MDFI: variants seen among roughly 807,000 people sequenced by gnomAD.
The protein encoded by MDFI is inhibitor of MyoD family a.
A neutral mutation model predicts 22.3 loss-of-function variants in MDFI; 16 were observed. The observed-to-expected ratio is 0.72, with a 90% CI of 0.49 to 1.09. MDFI has a LOEUF of 1.09. Among genes scored for constraint, MDFI ranks in the 50% least tolerant of loss-of-function variants. The pLI is 0.00. For missense variants in MDFI, 314 were observed against 326.1 expected, an observed-to-expected ratio of 0.96 and a Z score of 0.29; for synonymous variants, 145 against 142.7, an observed-to-expected ratio of 1.02 and a Z score of -0.12.
At chr6:41,641,937 G>C (rs1767866363) in intron 2 of MDFI, among the ~76,000 whole-genome samples, 1 of 152,104 alleles carries the variant, frequency 6.6e-6, no homozygotes, top group Non-Finnish European at 1.5e-5. Context: ...TGTGAGTCTC[G>C]GCCTTTCCTC....
At chr6:41,646,365 C>T in intron 3 of MDFI, 57 bp downstream of exon 3, 2 of 1,352,990 alleles carry the variant, frequency 1.5e-6, no homozygotes, top group Non-Finnish European at 1.9e-6. Context: ...CACTAGGGAA[C>T]TCAACCCAAA....
At chr6:41,651,454 G>A (rs1284955675) in intron 4 of MDFI, among the ~76,000 whole-genome samples, 7 of 132,024 alleles carry the variant, frequency 5.3e-5, no homozygotes, top group African/African-American at 9.0e-5. Context: ...CATGCGCACA[G>A]AGCTGAGAAA....
At chr6:41,647,528 C>G (rs1040268272) in intron 3 of MDFI, among the ~76,000 whole-genome samples, 1 of 152,322 alleles carries the variant, frequency 6.6e-6, no homozygotes, top group East Asian at 1.9e-4. Flanking sequence ...TATCCAGATG[C>G]AGGCATCAGC....
intron 2 of MDFI, among the ~76,000 whole-genome samples, chr6:41,643,523 C>CAGGA (rs1381721352): frequency 4.4e-4 from 31 of 70,374 alleles, no homozygotes; most frequent in Non-Finnish European, 3.8e-4. Context: ...CCACACAGCA[C>CAGGA]AGGAAGGAGG....
chr6:41,649,836 A>G lies in MDFI; in HGVS notation c.477A>G (p.Ala159=). The G allele has an allele frequency of 6.2e-7, 1 of 1,613,110 alleles. No homozygotes were observed. The highest frequency in any genetic ancestry group is 8.5e-7 in the Non-Finnish European group (1 of 1,179,594). The change falls in exon 4 of 5, where the codon GCA becomes GCG. Residue 159 remains alanine, a synonymous_variant. Transcript: ENST00000230321. The stretch of plus-strand genomic sequence containing the variant: ...CCACCTCCCAGATCCCCCTCCAGGC[A>G]CAGGAAGGTAAGCACCCATCCCATC... ...KSTTSQIPLQ[A]QEDCCVHCIL... is the part of the protein sequence containing the mutation.
chr6:41,637,978 T>C (rs540306750), upstream of MDFI, among the ~76,000 whole-genome samples: 2 of 152,274 alleles, frequency 1.3e-5, no homozygotes, highest in South Asian at 4.1e-4. This position sits in a 1 kb window ranked among gnomAD's most constrained non-coding sequence, Gnocchi z 6.8. Context: ...CCCAGATCCC[T>C]GTCCCTGGCT....
In MDFI at chr6:41,646,138, C is replaced by G; in HGVS notation, c.89C>G (p.Ser30Cys). The change falls in exon 3 of 5, where the codon TCC (serine) becomes TGC (cysteine). Residue 30 changes from serine to cysteine, a missense_variant. Ser to Cys is a moderately radical substitution (Grantham distance 112). Transcript: ENST00000230321. ...GCTTTTTTCCTAGCCCAGACCCTAT[C>G]CCTCCTTCCTGGGCTGGAGGTAGTA... The part of the protein sequence containing the change: ...SAAPGPAQTL[S>C]LLPGLEVVTG... The G allele has an allele frequency of 6.5e-7, 1 of 1,529,936 alleles. No homozygotes were observed. The highest frequency in any genetic ancestry group is 1.7e-4 in the Middle Eastern group (1 of 5,754). 94.8% of individuals were successfully genotyped at this position (1,529,936 alleles called of 1,614,324 possible).
At position 41,650,558 on chromosome 6, in the gene MDFI, C is replaced by T. The variant is rs114891313; in HGVS notation, c.484+715C>T. 5.8e-3 allele frequency among the ~76,000 whole-genome samples: 873 copies of T among 150,616 alleles called. 5 individuals carry two copies. The highest frequency in any genetic ancestry group is 0.02 in the African/African-American group (827 of 41,112). The stretch of plus-strand genomic sequence containing the variant: ...TCCCACTCTGCAAAGCAGATTCTGC[C>T]CAACAGTCTTTTTCCTTTTTTTTTT... On this transcript the variant is annotated intron_variant, in intron 4 of 4. Transcript: ENST00000230321.
intron 3 of MDFI, among the ~76,000 whole-genome samples, chr6:41,647,839 G>A (rs898971075): frequency 6.6e-6 from 1 of 151,834 alleles, no homozygotes; most frequent in Non-Finnish European, 1.5e-5. Flanking sequence ...TCAGGAGATC[G>A]AGACCATCCT....
chr6:41,650,003 C>T, intron 4 of MDFI, 160 bp downstream of exon 4: 1 of 661,730 alleles, frequency 1.5e-6, no homozygotes, highest in Middle Eastern at 3.6e-4. Flanking sequence ...TCTGGTGGAG[C>T]TTAACAAGCC....
chr6:41,645,066 C>T (rs1767997620), intron 2 of MDFI, among the ~76,000 whole-genome samples: 1 of 152,142 alleles, frequency 6.6e-6, no homozygotes, highest in South Asian at 2.1e-4. Context: ...CTTGCTCCTT[C>T]TCCCAACATG....
intron 2 of MDFI, 112 bp from the exon 3 acceptor site, chr6:41,646,014 C>T: frequency 1.0e-6 from 1 of 992,340 alleles, no homozygotes; most frequent in Non-Finnish European, 1.4e-6. Context: ...CTGATGCAGA[C>T]AGACAAAGAA....
chr6:41,649,708 G>A lies in MDFI; in HGVS notation c.349G>A (p.Gly117Arg), dbSNP rs762334838. ...PSELGGTRRAGNGALGGPKAH... is the reference protein window; with the variant it reads ...PSELGGTRRARNGALGGPKAH... ...AGAGCTGGGCGGCACCAGACGGGCG[G>A]GGAATGGTGCCCTGGGTGGCCCCAA... is the stretch of plus-strand genomic sequence containing the variant. Residue 117 changes from glycine (G) to arginine (R), a missense_variant, in exon 4 of 5, where the codon GGG becomes AGG. Coordinates refer to ENST00000230321, the MANE Select transcript of MDFI (RefSeq NM_005586.4). 5 of 1,614,062 alleles carry A rather than the reference G, an allele frequency of 3.1e-6. No individual in the cohort carries two copies. In the South Asian group the frequency reaches 4.4e-5, roughly 14 times the overall value.
Position 41,653,735 on chromosome 6 carries a change from A to G in MDFI, c.*160A>G. On this transcript the variant is annotated 3_prime_UTR_variant, in exon 5 of 5. Transcript: ENST00000230321. The surrounding 1 kb of genome is among the most constrained non-coding windows in gnomAD (Gnocchi z 4.2). Reference sequence around the variant, plus strand: ...TCCTCTCAGAACCCCAGCCTTGAAAATAGTGGGGGGCACTCAGAGGGGCCA... The same window carrying G: ...TCCTCTCAGAACCCCAGCCTTGAAAGTAGTGGGGGGCACTCAGAGGGGCCA... The G allele has an allele frequency of 1.1e-6, 1 of 936,446 alleles. No homozygotes were observed. Among genetic ancestry groups the G allele is most frequent in the Non-Finnish European group, 1.6e-6 (1 of 639,024 alleles). 58.0% of individuals were successfully genotyped at this position (936,446 alleles called of 1,614,324 possible).
Position 41,638,497 on chromosome 6 carries a change from C to G in MDFI, c.-167C>G, listed in dbSNP as rs1004868746. On this transcript the variant is annotated 5_prime_UTR_variant, in exon 1 of 5. Coordinates refer to ENST00000230321, the MANE Select transcript of MDFI (RefSeq NM_005586.4). This position sits in a 1 kb window ranked among gnomAD's most constrained non-coding sequence, Gnocchi z 7.6. The stretch of plus-strand genomic sequence containing the variant: ...GGAAGGGGCGAACGGCGTGAGCTGG[C>G]GCCGAAATGGGAGAAAGCAGCGAGT... 1 of 519,338 alleles carries G rather than the reference C, an allele frequency of 1.9e-6. No individual in the cohort carries two copies. The highest frequency in any genetic ancestry group is 3.4e-6 in the Non-Finnish European group (1 of 296,594). 32.2% of individuals were successfully genotyped at this position (519,338 alleles called of 1,614,324 possible). A position where few individuals can be genotyped will look rare whatever the true frequency, so the allele number is the denominator to read the frequency against.
chr6:41,648,697 T>A (rs974809522), intron 3 of MDFI, among the ~76,000 whole-genome samples: 7 of 152,070 alleles, frequency 4.6e-5, no homozygotes, highest in African/African-American at 1.7e-4. Flanking sequence ...GCCCCAGAGC[T>A]CTCAGTGACC....
chr6:41,645,887 A>G (rs75847691), intron 2 of MDFI, among the ~76,000 whole-genome samples: 10,904 of 152,148 alleles, frequency 0.072, 551 homozygotes, highest in Middle Eastern at 0.16. Flanking sequence ...CCGACACCAC[A>G]TGCACACGTG....
At position 41,651,079 on chromosome 6, in the gene MDFI, C is replaced by T. The variant is rs992914514; in HGVS notation, c.484+1236C>T. 9.2e-4 allele frequency among the ~76,000 whole-genome samples: 140 copies of T among 151,800 alleles called. 5 individuals are homozygous for T. The highest frequency in any genetic ancestry group is 2.1e-4 in the South Asian group (1 of 4,778). ...AAAATTAGCCAGGCGTGGCGGTGGG[C>T]GCCTGTAATCCCAGCTACTCCGGAG... On this transcript the variant is annotated intron_variant, in intron 4 of 4. Coordinates refer to ENST00000230321, the MANE Select transcript of MDFI (RefSeq NM_005586.4).
Position 41,638,916 on chromosome 6 carries a change from G to C in MDFI, c.76+91G>C. ...AGTTCTCCTCTCCGTCCCCAGACGC[G>C]GGGAGACCGTTCCAGGGAGCTTGGT... is the stretch of plus-strand genomic sequence containing the variant. On this transcript the variant is annotated intron_variant, in intron 2 of 4. Transcript: ENST00000230321. The surrounding 1 kb of genome is among the most constrained non-coding windows in gnomAD (Gnocchi z 7.6). 2.2e-6 allele frequency: 3 copies of C among 1,363,228 alleles called. No individual in the cohort carries two copies. The highest frequency in any genetic ancestry group is 2.6e-5 in the East Asian group (1 of 38,348). The allele number at this position is 1,363,228 out of a possible 1,614,324, so 84.4% of individuals were successfully genotyped here. A position where few individuals can be genotyped will look rare whatever the true frequency, so the allele number is the denominator to read the frequency against.
Sources: gnomAD v4.1 joint callset for allele counts (sites outside exome capture counted in the v4.1 genomes callset) on GRCh38, gnomAD v4.1.1 for gene constraint, Gnocchi (gnomAD v3.1) non-coding constraint, MANE v1.5 for transcripts, NCBI Gene and HGNC (gene_info 2026-07-23, HGNC 2026-07-21) for gene names.